Variants in ZNF521 observed in about 807,000 individuals in gnomAD.
ZNF521 encodes LYST-interacting protein 3.
A neutral mutation model predicts 105.5 loss-of-function variants in ZNF521; 14 were observed. The ratio of observed to expected loss-of-function variants is 0.13; its 90% CI spans 0.09 to 0.21. ZNF521 has a LOEUF of 0.21. ZNF521 is among the 10% of genes least tolerant of loss of function. The pLI, the probability that ZNF521 is intolerant of heterozygous loss-of-function variation, is 1.00. For synonymous variants in ZNF521, 635 were observed against 606.0 expected (o/e 1.05, Z -0.70); for missense variants, 1,233 against 1,629.7 (o/e 0.76, Z 4.19).
intron 5 of ZNF521, among the ~76,000 whole-genome samples, chr18:25,139,425 AGG>A (rs202139314): frequency 0.01 from 1,549 of 150,418 alleles, 25 homozygotes; most frequent in African/African-American, 0.036. Flanking sequence ...TTAAGAGCAA[AGG>A]AATCTGTAGC....
intron 4 of ZNF521, among the ~76,000 whole-genome samples, chr18:25,197,604 C>T (rs2144642287): frequency 6.6e-6 from 1 of 151,814 alleles, no homozygotes; most frequent in Admixed American, 6.6e-5. Flanking sequence ...GGAACTCATT[C>T]CCTTGGAGGT....
chr18:25,223,903 C>G (rs761283178), intron 4 of ZNF521: 3 of 229,202 alleles, frequency 1.3e-5, no homozygotes, highest in Non-Finnish European at 2.6e-5. Flanking sequence ...CCACCCCTAC[C>G]CAATTTGTTA....
intron 5 of ZNF521, among the ~76,000 whole-genome samples, chr18:25,121,600 G>A (rs912583770): frequency 6.6e-6 from 1 of 152,096 alleles, no homozygotes; most frequent in Non-Finnish European, 1.5e-5. Context: ...GCATGTGGAA[G>A]TAGAAAGCAC....
rs565335862 is a variant in ZNF521 at position 25,291,214 on chromosome 18, C to T, written c.220+30794G>A. On this transcript the variant is annotated intron_variant, in intron 3 of 7. Transcript: ENST00000361524. ...TCTTCTCATTGAAAATTGTCCACTG[C>T]TGACATCAATTTCTCTATTTTACCC... Among the ~76,000 whole-genome samples the T allele has an allele frequency of 3.9e-4, 59 of 152,240 alleles. No homozygotes were observed. In the South Asian group the frequency reaches 0.012, roughly 30 times the overall value.
At chr18:25,081,941 A>G (rs1407441602) in intron 7 of ZNF521, among the ~76,000 whole-genome samples, 3 of 152,194 alleles carry the variant, frequency 2.0e-5, no homozygotes, top group Non-Finnish European at 4.4e-5. Flanking sequence ...TTCAATGGTA[A>G]GGCCAATCAA....
chr18:25,340,470 T>G (rs1914135856), intron 2 of ZNF521, among the ~76,000 whole-genome samples: 2 of 152,160 alleles, frequency 1.3e-5, no homozygotes, highest in Non-Finnish European at 2.9e-5. Context: ...GAAATCACAG[T>G]GGAAAGTAAG....
intron 5 of ZNF521, among the ~76,000 whole-genome samples, chr18:25,148,437 A>C (rs1353675899): frequency 2.0e-5 from 3 of 152,188 alleles, no homozygotes; most frequent in South Asian, 4.1e-4. Context: ...CTATGCATTG[A>C]GTTTTAAAAA....
chr18:25,212,935 G>T (rs2036218038), intron 4 of ZNF521, among the ~76,000 whole-genome samples: 1 of 151,234 alleles, frequency 6.6e-6, no homozygotes, highest in African/African-American at 2.4e-5. Context: ...GTAATAATTT[G>T]TCTTTAGATT....
chr18:25,081,052 T>C (rs543028611), intron 7 of ZNF521, among the ~76,000 whole-genome samples: 6 of 151,690 alleles, frequency 4.0e-5, no homozygotes, highest in African/African-American at 1.5e-4. Flanking sequence ...CAGCAGGCTG[T>C]CTTGGCGACA....
intron 5 of ZNF521, among the ~76,000 whole-genome samples, chr18:25,121,273 CTTTT>C (rs55714696): frequency 1.2e-4 from 15 of 126,216 alleles, no homozygotes; most frequent in South Asian, 2.7e-4. Flanking sequence ...CTTCTTCTTC[CTTTT>C]TTTTTTTTTT....
At chr18:25,193,194 T>C (rs2035848200) in intron 5 of ZNF521, among the ~76,000 whole-genome samples, 1 of 151,922 alleles carries the variant, frequency 6.6e-6, no homozygotes, top group Non-Finnish European at 1.5e-5. Flanking sequence ...TATAAAGCAA[T>C]TTAAAAAGAA....
chr18:25,176,429 A>T (rs1385905964), intron 5 of ZNF521, among the ~76,000 whole-genome samples: 2 of 152,178 alleles, frequency 1.3e-5, no homozygotes, highest in Admixed American at 1.3e-4. Context: ...GGGTCTCATA[A>T]TGAGAAAACT....
At chr18:25,206,381 T>C (rs2036080875) in intron 4 of ZNF521, among the ~76,000 whole-genome samples, 1 of 152,192 alleles carries the variant, frequency 6.6e-6, no homozygotes, top group African/African-American at 2.4e-5. Context: ...GACTCATACC[T>C]GTTCACTGTG....
intron 3 of ZNF521, among the ~76,000 whole-genome samples, chr18:25,306,622 A>G (rs1293792858): frequency 6.6e-6 from 1 of 152,186 alleles, no homozygotes; most frequent in Non-Finnish European, 1.5e-5. Context: ...TTAATGCTTT[A>G]AATGTCCTGC....
At chr18:25,113,492 T>TTAA (rs1267150193) in intron 5 of ZNF521, among the ~76,000 whole-genome samples, 1 of 152,194 alleles carries the variant, frequency 6.6e-6, no homozygotes, top group Non-Finnish European at 1.5e-5. Flanking sequence ...CTTGTGCTTG[T>TTAA]TAAGCAAATG....
Position 25,226,504 on chromosome 18 carries a change from T to C in ZNF521, c.1414A>G (p.Met472Val). Residue 472 changes from methionine to valine, a missense_variant, in exon 4 of 8, where the codon ATG becomes GTG. By Grantham distance (21) the Met-to-Val change is conservative (BLOSUM62 1). Coordinates refer to ENST00000361524, the MANE Select transcript of ZNF521 (RefSeq NM_015461.3). The surrounding 1 kb of genome is among the most constrained non-coding windows in gnomAD (Gnocchi z 4.1). ...AQDPGLIVSA[M>V]PAIVYQCNFC... ...TTACACTGGTAGACAATGGCAGGCA[T>C]GGCAGAAACAATCAGACCTGGGTCC... The C allele has an allele frequency of 1.9e-6, 3 of 1,614,162 alleles. No individual in the cohort carries two copies. Among genetic ancestry groups the C allele is most frequent in the Non-Finnish European group, 1.7e-6 (2 of 1,180,022 alleles).
intron 3 of ZNF521, among the ~76,000 whole-genome samples, chr18:25,292,654 A>G (rs1237260938): frequency 6.6e-6 from 1 of 152,202 alleles, no homozygotes; most frequent in Non-Finnish European, 1.5e-5. Flanking sequence ...AAACGTTATC[A>G]GGGAAACAGC....
intron 5 of ZNF521, among the ~76,000 whole-genome samples, chr18:25,115,562 C>A (rs1303764548): frequency 6.6e-6 from 1 of 152,090 alleles, no homozygotes; most frequent in East Asian, 1.9e-4. Flanking sequence ...TAAAGACTCT[C>A]TAAATAATAA....
At chr18:25,279,600 A>G (rs188836475) in intron 3 of ZNF521, among the ~76,000 whole-genome samples, 93 of 152,340 alleles carry the variant, frequency 6.1e-4, no homozygotes, top group Non-Finnish European at 1.1e-3. Flanking sequence ...AAGGTTATAT[A>G]TGGTTGTGAT....
Sources: allele counts gnomAD v4.1 joint callset (sites outside exome capture counted in the v4.1 genomes callset), GRCh38; gene constraint gnomAD v4.1.1; non-coding constraint Gnocchi (gnomAD v3.1); transcripts MANE v1.5; gene names NCBI Gene and HGNC (gene_info 2026-07-23, HGNC 2026-07-21).